Variants in STX2 observed in about 807,000 individuals in gnomAD.
STX2 encodes syntaxin 2, also known as syntaxin-2.
STX2 carries 27 observed loss-of-function variants against 40.6 expected under a neutral mutation model. The observed-to-expected ratio is 0.66, with a 90% CI of 0.49 to 0.92. The LOEUF is 0.92. Among genes scored for constraint, STX2 ranks in the 40% least tolerant of loss-of-function variants. The pLI, the probability that STX2 is intolerant of heterozygous loss-of-function variation, is 0.00. For synonymous variants in STX2, 123 were observed against 119.1 expected (o/e 1.03, Z -0.22); for missense variants, 328 against 366.1 (o/e 0.90, Z 0.85).
chr12:130,795,889 C>T (rs577416125), intron 10 of STX2, 106 bp downstream of exon 10: 118 of 1,366,298 alleles, frequency 8.6e-5, no homozygotes, highest in East Asian at 5.1e-4. Flanking sequence ...ATCTGTACTG[C>T]GTGGCTGGCA....
chr12:130,822,189 G>A (rs1952141549), intron 2 of STX2, among the ~76,000 whole-genome samples: 1 of 152,158 alleles, frequency 6.6e-6, no homozygotes, highest in Admixed American at 6.5e-5. Flanking sequence ...GGCCAAGGCA[G>A]GCGGATCACT....
intron 5 of STX2, among the ~76,000 whole-genome samples, chr12:130,808,388 G>A (rs1324295233): frequency 6.6e-6 from 1 of 151,940 alleles, no homozygotes; most frequent in Non-Finnish European, 1.5e-5. Flanking sequence ...CCCTCTTCAG[G>A]AAAGGCACAA....
At chr12:130,816,880 G>A (rs148565110) in intron 3 of STX2, among the ~76,000 whole-genome samples, 3 of 152,284 alleles carry the variant, frequency 2.0e-5, no homozygotes, top group Admixed American at 6.5e-5. Context: ...AATGCCCTAG[G>A]AGGAACAGTC....
Position 130,821,791 on chromosome 12 carries a change from A to T in STX2, c.106-3T>A. 1 of 1,590,034 alleles carries T rather than the reference A, an allele frequency of 6.3e-7. No individual in the cohort carries two copies. The highest frequency in any genetic ancestry group is 8.6e-7 in the Non-Finnish European group (1 of 1,158,588). On this transcript the variant is annotated splice_polypyrimidine_tract_variant and splice_region_variant and intron_variant, in intron 2 of 10. Transcript: ENST00000392373. ...ATACTGTTTCTAATCTCCTCCACCTAGGAGAGAGAGAGAGTCATTACAGCA... is the reference window on the plus strand; with the variant it reads ...ATACTGTTTCTAATCTCCTCCACCTTGGAGAGAGAGAGAGTCATTACAGCA...
intron 1 of STX2, among the ~76,000 whole-genome samples, chr12:130,831,743 T>G (rs895006194): frequency 1.3e-5 from 2 of 152,198 alleles, no homozygotes; most frequent in Admixed American, 1.3e-4. Flanking sequence ...CTTTTATACC[T>G]ATAATAAAAT....
chr12:130,796,059 C>G lies in STX2; in HGVS notation c.848G>C (p.Gly283Ala), dbSNP rs766037932. The G allele has an allele frequency of 6.8e-6, 11 of 1,614,026 alleles. No homozygotes were observed. The highest frequency in any genetic ancestry group is 8.5e-6 in the Non-Finnish European group (10 of 1,180,022). Residue 283 changes from glycine to alanine, a missense_variant, in exon 10 of 11, where the codon GGC (glycine) becomes GCC (alanine). Gly to Ala is a moderately conservative substitution (Grantham distance 60). Transcript: ENST00000392373. ...VLVAIIALIIGLSVGK is the reference protein window; with the variant it reads ...VLVAIIALIIALSVGK ...ACACCATCATTTGCCAACTGACAAGCCAATAATTAGAGCGATTATGGCAAC... is the reference window on the plus strand; with the variant it reads ...ACACCATCATTTGCCAACTGACAAGGCAATAATTAGAGCGATTATGGCAAC...
At chr12:130,798,157 G>C (rs1449178911) in intron 9 of STX2, among the ~76,000 whole-genome samples, 3 of 151,058 alleles carry the variant, frequency 2.0e-5, no homozygotes, top group African/African-American at 4.9e-5. Context: ...TGAGGCAGGA[G>C]AATCACTTGA....
intron 5 of STX2, among the ~76,000 whole-genome samples, chr12:130,807,655 C>G (rs1373749764): frequency 6.6e-6 from 1 of 152,238 alleles, no homozygotes; most frequent in Non-Finnish European, 1.5e-5. Flanking sequence ...CCACAAACCA[C>G]TAAAACGTGG....
intron 2 of STX2, among the ~76,000 whole-genome samples, chr12:130,826,262 C>A (rs1215994291): frequency 1.3e-5 from 2 of 152,232 alleles, no homozygotes; most frequent in Non-Finnish European, 2.9e-5. Context: ...CCCCTGCCCC[C>A]ACAGCCAGGC....
chr12:130,818,185 AATATAT>A lies in STX2; in HGVS notation c.205+3498_205+3503del, dbSNP rs1168152790. On this transcript the variant is annotated intron_variant, in intron 3 of 10. Coordinates refer to ENST00000392373, the MANE Select transcript of STX2 (RefSeq NM_194356.4). ...GCTGTTTCTACAAAAAAAAAAAAAA[AATATAT>A]ATATATATATATATATATATATATA... is the stretch of plus-strand genomic sequence containing the variant. Among the ~76,000 whole-genome samples, 88 of 70,538 alleles carry A rather than the reference AATATAT, an allele frequency of 1.2e-3. 3 individuals are homozygous for A. Among genetic ancestry groups the A allele is most frequent in the African/African-American group, 8.6e-3 (72 of 8,420 alleles). The allele number at this position is 70,538 out of a possible 152,430, so 46.3% of individuals were successfully genotyped here.
chr12:130,792,704 G>A (rs754375238), intron 10 of STX2, among the ~76,000 whole-genome samples: 1 of 152,160 alleles, frequency 6.6e-6, no homozygotes, highest in Non-Finnish European at 1.5e-5. Context: ...GGGCTCAAGC[G>A]ATCTTCCTGC....
At chr12:130,818,185 AATATATATATATATAT>A (rs1168152790) in intron 3 of STX2, among the ~76,000 whole-genome samples, 2 of 70,588 alleles carry the variant, frequency 2.8e-5, no homozygotes, top group Admixed American at 1.6e-4. Flanking sequence ...AAAAAAAAAA[AATATATATATATATAT>A]ATATATATAT....
At chr12:130,807,475 TGCTTCATCGCCTTGTGCCCATGAGG>T (rs1158074896) in intron 5 of STX2, among the ~76,000 whole-genome samples, 32 of 150,894 alleles carry the variant, frequency 2.1e-4, no homozygotes, top group African/African-American at 7.8e-4. Flanking sequence ...AGAGCCCGCG[TGCTTCATCGCCTTGTGCCCATGAGG>T]GGACCCAGGC....
chr12:130,809,079 C>T (rs1038311791), intron 4 of STX2, among the ~76,000 whole-genome samples: 2 of 152,230 alleles, frequency 1.3e-5, no homozygotes, highest in African/African-American at 4.8e-5. Context: ...GTTGCCCAGG[C>T]TGGTCTCGAA....
At chr12:130,818,746 G>C (rs949049899) in intron 3 of STX2, among the ~76,000 whole-genome samples, 2 of 152,230 alleles carry the variant, frequency 1.3e-5, no homozygotes, top group Admixed American at 6.5e-5. Flanking sequence ...GGAACAGGAA[G>C]CAGAGAAAAC....
rs879059651 is a variant in STX2 at position 130,791,525 on chromosome 12, C to CAA, written c.*496_*497dup. 8 of 72,394 alleles carry CAA rather than the reference C, an allele frequency of 1.1e-4. No individual in the cohort carries two copies. Among genetic ancestry groups the CAA allele is most frequent in the Non-Finnish European group, 6.4e-5 (2 of 31,406 alleles). The allele number at this position is 72,394 out of a possible 1,614,324, so 4.5% of individuals were successfully genotyped here. A position where few individuals can be genotyped will look rare whatever the true frequency, so the allele number is the denominator to read the frequency against. The stretch of plus-strand genomic sequence containing the variant: ...TGGATGACAAAGCGAGACTCCGTCT[C>CAA]AAAAAAAAAAAAAAAAGCCTTCATA... On this transcript the variant is annotated 3_prime_UTR_variant, in exon 11 of 11. Transcript: ENST00000392373.
At chr12:130,808,167 C>T (rs947777394) in intron 5 of STX2, among the ~76,000 whole-genome samples, 2 of 152,164 alleles carry the variant, frequency 1.3e-5, no homozygotes, top group African/African-American at 2.4e-5. Context: ...CACTGGCCCA[C>T]GTAAGAGGCG....
chr12:130,800,172 G>T (rs2136242017), intron 8 of STX2, among the ~76,000 whole-genome samples: 1 of 152,240 alleles, frequency 6.6e-6, no homozygotes, highest in East Asian at 1.9e-4. Context: ...ATAACGAGAA[G>T]ACCTTATTCA....
Position 130,808,673 on chromosome 12 carries a change from A to C in STX2, c.312T>G (p.Ser104Arg). The C allele has an allele frequency of 1.2e-6, 2 of 1,613,296 alleles. No individual in the cohort carries two copies. The highest frequency in any genetic ancestry group is 1.7e-6 in the Non-Finnish European group (2 of 1,179,814). The change falls in exon 5 of 11, where the codon AGT becomes AGG. Residue 104 changes from serine (S) to arginine (R), a missense_variant. By Grantham distance (110) the Ser-to-Arg change is moderately radical (BLOSUM62 -1). Transcript: ENST00000392373. Reference protein sequence around the residue: ...AIEQSFDQDESGNRTSVDLRI... With the variant: ...AIEQSFDQDERGNRTSVDLRI... ...GAAGATCCACTGAAGTCCGGTTCCC[A>C]CTCTCATCCTGATCAAAACTTTGTT...
Sources: allele counts gnomAD v4.1 joint callset (sites outside exome capture counted in the v4.1 genomes callset), GRCh38; gene constraint gnomAD v4.1.1; transcripts MANE v1.5; gene names NCBI Gene and HGNC (gene_info 2026-07-23, HGNC 2026-07-21).